Variants in CEACAM16 observed in about 807,000 individuals in gnomAD.
CEACAM16 encodes the protein cell adhesion molecule CEACAM16.
Under a neutral mutation model 39.4 loss-of-function variants are expected in CEACAM16, and 30 were observed. The ratio of observed to expected loss-of-function variants is 0.76; its 90% CI spans 0.57 to 1.03. The LOEUF (loss-of-function observed/expected upper bound fraction) is 1.03. CEACAM16 is among the 50% of genes least tolerant of loss of function. The probability of loss-of-function intolerance (pLI) is 0.00; values close to 1 mark genes in which losing one functional copy is unlikely to be tolerated. For synonymous variants in CEACAM16, 262 were observed against 264.9 expected, an observed-to-expected ratio of 0.99 and a Z score of 0.11; for missense variants, 521 against 585.3, an observed-to-expected ratio of 0.89 and a Z score of 1.13.
rs377220599 is a variant in CEACAM16, at chr19:44,700,563, G to A, written c.-96-798G>A. On this transcript the variant is annotated intron_variant, in intron 1 of 6. Transcript: ENST00000587331. Reference sequence around the variant, plus strand: ...CGAAGTGCTGGGATGACAGGCATGAGCCAGTGCACCCGGCCATCATCTCTA... The same window carrying A: ...CGAAGTGCTGGGATGACAGGCATGAACCAGTGCACCCGGCCATCATCTCTA... 9.2e-5 allele frequency among the ~76,000 whole-genome samples: 14 copies of A among 152,338 alleles called. 1 individual carries two copies. Among genetic ancestry groups the A allele is most frequent in the African/African-American group, 3.4e-4 (14 of 41,568 alleles).
At chr19:44,699,714 T>C (rs1283542280) in intron 1 of CEACAM16, among the ~76,000 whole-genome samples, 1 of 152,194 alleles carries the variant, frequency 6.6e-6, no homozygotes, top group Non-Finnish European at 1.5e-5. Context: ...ATACTTTTAA[T>C]AACAGGCATA....
At position 44,708,042 on chromosome 19, in the gene CEACAM16, C is replaced by T. The variant is rs192594556; in HGVS notation, c.1122C>T (p.Pro374=). Residue 374 remains proline (P), a synonymous_variant, in exon 6 of 7, where the codon CCC becomes CCT. Coordinates refer to ENST00000587331, the MANE Select transcript of CEACAM16 (RefSeq NM_001039213.4). The part of the protein sequence containing the change: ...QLPSGTWIAG[P]AHTGREVGFP... The stretch of plus-strand genomic sequence containing the variant: ...CGTCAGGAACCTGGATTGCAGGCCC[C>T]GCGCACACAGGCCGGGAGGTGGGCT... The T allele has an allele frequency of 5.8e-5, 93 of 1,612,488 alleles. No individual in the cohort carries two copies. The highest frequency in any genetic ancestry group is 1.5e-4 in the African/African-American group (11 of 75,028).
At chr19:44,707,757 C>T in intron 5 of CEACAM16, 104 bp from the exon 6 acceptor site, 1 of 1,009,842 alleles carries the variant, frequency 9.9e-7, no homozygotes, top group Non-Finnish European at 1.4e-6. Flanking sequence ...CAGCACCCTA[C>T]ATGGGGAGTG....
At chr19:44,702,876 A>C (rs533808918) in intron 2 of CEACAM16, among the ~76,000 whole-genome samples, 23 of 152,326 alleles carry the variant, frequency 1.5e-4, no homozygotes, top group Non-Finnish European at 3.4e-4. Context: ...CTTGCTTTGC[A>C]CTTGCTGTAT....
At chr19:44,709,554 G>T (rs1485839755) in intron 6 of CEACAM16, among the ~76,000 whole-genome samples, 25 of 130,822 alleles carry the variant, frequency 1.9e-4, no homozygotes, top group Admixed American at 3.8e-4. Flanking sequence ...CCCAGAGTCA[G>T]GGTCTATGTC....
At chr19:44,706,900 G>A (rs183425888) in intron 5 of CEACAM16, among the ~76,000 whole-genome samples, 212 of 152,376 alleles carry the variant, frequency 1.4e-3, no homozygotes, top group Non-Finnish European at 1.6e-3. Context: ...TCCACCTTGG[G>A]AGACTAATCT....
At chr19:44,708,608 A>C (rs777922034) in intron 6 of CEACAM16, among the ~76,000 whole-genome samples, 1 of 152,226 alleles carries the variant, frequency 6.6e-6, no homozygotes, top group Non-Finnish European at 1.5e-5. Context: ...TACCTCTCCT[A>C]TCAGACTGCA....
chr19:44,704,208 C>T lies in CEACAM16; in HGVS notation c.573C>T (p.Ile191=), dbSNP rs1333543485. The change falls in exon 4 of 7, where the codon ATC becomes ATT. Residue 191 remains isoleucine (I), a synonymous_variant. Transcript: ENST00000587331. ...PDGRVLARHG[I]RREEAGAYQC... is the part of the protein sequence containing the mutation. ...GCCGGGTGCTGGCCAGGCATGGCAT[C>T]CGCCGGGAGGAGGCCGGCGCCTATC... The T allele has an allele frequency of 1.9e-6, 3 of 1,556,698 alleles. No homozygotes were observed. The highest frequency in any genetic ancestry group is 2.7e-5 in the African/African-American group (2 of 73,524).
In CEACAM16 at chr19:44,705,874, T is replaced by A. The variant is rs1255033055; in HGVS notation, c.940+6T>A. 1.9e-6 allele frequency: 3 copies of A among 1,608,296 alleles called. No homozygotes were observed. In the South Asian group the frequency reaches 3.3e-5, roughly 18 times the overall value. ...AGTCGTGGTCAAGCTCTCTGGTGAG[T>A]CACCCCCAGCCTGACCACCCCCCAG... On this transcript the variant is annotated splice_donor_region_variant and intron_variant, in intron 5 of 6. Coordinates refer to ENST00000587331, the MANE Select transcript of CEACAM16 (RefSeq NM_001039213.4).
intron 2 of CEACAM16, 81 bp from the exon 3 acceptor site, chr19:44,703,268 C>T (rs1195389749): frequency 2.6e-5 from 35 of 1,340,860 alleles, no homozygotes; most frequent in Non-Finnish European, 3.0e-5. Context: ...GGACATGCCC[C>T]GAGCCTGAGT....
chr19:44,703,474 G>A lies in CEACAM16; in HGVS notation c.163G>A (p.Ala55Thr), dbSNP rs1282806635. 1 of 1,613,862 alleles carries A rather than the reference G, an allele frequency of 6.2e-7. No individual in the cohort carries two copies. The highest frequency in any genetic ancestry group is 8.5e-7 in the Non-Finnish European group (1 of 1,179,896). ...SGELLAYSWY[A>T]GPTLSVSYLV... ...GGAACTGCTCGCCTACAGCTGGTAT[G>A]CGGGGCCCACACTCAGCGTGTCATA... Residue 55 changes from alanine to threonine, a missense_variant, in exon 3 of 7, where the codon GCG becomes ACG. Transcript: ENST00000587331.
At chr19:44,705,363 T>C (rs973006141) in intron 4 of CEACAM16, among the ~76,000 whole-genome samples, 1 of 152,220 alleles carries the variant, frequency 6.6e-6, no homozygotes, top group Non-Finnish European at 1.5e-5. Flanking sequence ...CTTGAAATAT[T>C]ATCTTGCCCA....
At position 44,701,902 on chromosome 19, in the gene CEACAM16, T is replaced by C. The variant is rs145049988; in HGVS notation, c.37+409T>C. On this transcript the variant is annotated intron_variant, in intron 2 of 6. Transcript: ENST00000587331. This position sits in a 1 kb window ranked among gnomAD's most constrained non-coding sequence, Gnocchi z 4.0. Reference sequence around the variant, plus strand: ...CAGCCTCTGTGTACCCACCTGTGAATGGGGCCTCACTGACAGGGTCATGTA... The same window carrying C: ...CAGCCTCTGTGTACCCACCTGTGAACGGGGCCTCACTGACAGGGTCATGTA... 1.2e-3 allele frequency among the ~76,000 whole-genome samples: 182 copies of C among 152,264 alleles called. No homozygotes were observed. The highest frequency in any genetic ancestry group is 4.1e-3 in the African/African-American group (169 of 41,568).
chr19:44,707,373 A>G (rs796079165), intron 5 of CEACAM16, among the ~76,000 whole-genome samples: 5 of 152,290 alleles, frequency 3.3e-5, no homozygotes, highest in African/African-American at 1.2e-4. Flanking sequence ...AGGAATTTTC[A>G]ATCTGATGGA....
intron 5 of CEACAM16, 83 bp from the exon 6 acceptor site, chr19:44,707,778 G>A (rs1367659490): frequency 4.0e-6 from 5 of 1,254,592 alleles, no homozygotes; most frequent in South Asian, 1.7e-5. Context: ...CCAGCCAGCT[G>A]GGGGGAGGCC....
intron 6 of CEACAM16, among the ~76,000 whole-genome samples, chr19:44,709,516 C>G (rs1974504726): frequency 7.7e-6 from 1 of 130,594 alleles, no homozygotes; most frequent in African/African-American, 3.3e-5. Flanking sequence ...GAGTCAGGGA[C>G]CATGTCTCCT....
At chr19:44,703,250 T>G in intron 2 of CEACAM16, 99 bp from the exon 3 acceptor site, 3 of 1,085,122 alleles carry the variant, frequency 2.8e-6, no homozygotes, top group East Asian at 2.6e-5. Context: ...CAGAGGACAC[T>G]GGGCTGGGGA....
rs746122974 is a variant in CEACAM16, at chr19:44,703,603, A to G, written c.292A>G (p.Ile98Val). The G allele has an allele frequency of 6.2e-7, 1 of 1,609,676 alleles. No homozygotes were observed. Among genetic ancestry groups the G allele is most frequent in the Admixed American group, 1.7e-5 (1 of 59,542 alleles). ...RPDGSLDIQG[I>V]LPRHSGTYIL... Reference sequence around the variant, plus strand: ...CGATGGCAGCCTGGACATCCAGGGCATCCTGCCCCGGCACTCAGGCACCTA... The same window carrying G: ...CGATGGCAGCCTGGACATCCAGGGCGTCCTGCCCCGGCACTCAGGCACCTA... The change falls in exon 3 of 7, where the codon ATC (isoleucine) becomes GTC (valine). Residue 98 changes from isoleucine to valine, a missense_variant. Coordinates refer to ENST00000587331, the MANE Select transcript of CEACAM16 (RefSeq NM_001039213.4).
rs1458966055 is a variant in CEACAM16 at position 44,707,934 on chromosome 19, G to A, written c.1014G>A (p.Val338=). The A allele has an allele frequency of 6.3e-7, 1 of 1,595,820 alleles. No individual in the cohort carries two copies. Among genetic ancestry groups the A allele is most frequent in the East Asian group, 2.3e-5 (1 of 44,352 alleles). ...PTEGQDVTLT[V]QGYPKDLLVY... is the part of the protein sequence containing the mutation. Reference sequence around the variant, plus strand: ...AGGGCCAGGACGTAACACTGACCGTGCAGGGCTACCCCAAGGACCTGCTGG... The same window carrying A: ...AGGGCCAGGACGTAACACTGACCGTACAGGGCTACCCCAAGGACCTGCTGG... Residue 338 remains valine, a synonymous_variant, in exon 6 of 7, where the codon GTG becomes GTA. Transcript: ENST00000587331.
Sources: allele counts gnomAD v4.1 joint callset (sites outside exome capture counted in the v4.1 genomes callset), GRCh38; gene constraint gnomAD v4.1.1; non-coding constraint Gnocchi (gnomAD v3.1); transcripts MANE v1.5; gene names NCBI Gene and HGNC (gene_info 2026-07-23, HGNC 2026-07-21).